Variants in HTR1F observed in about 807,000 individuals in gnomAD.
HTR1F encodes the protein 5-hydroxytryptamine (serotonin) receptor 1F, G protein-coupled.
HTR1F carries 17 observed loss-of-function variants against 24.0 expected under a neutral mutation model. That is an observed-to-expected ratio of 0.71 (90% CI 0.48 to 1.06). HTR1F has a LOEUF of 1.06. Ranked by LOEUF, HTR1F falls within the 50% of genes least tolerant of loss-of-function variation. HTR1F has a pLI of 0.00. For synonymous variants in HTR1F, 186 were observed against 156.8 expected, an observed-to-expected ratio of 1.19 and a Z score of -1.39; for missense variants, 391 against 427.8, an observed-to-expected ratio of 0.91 and a Z score of 0.76.
intron 2 of HTR1F, among the ~76,000 whole-genome samples, chr3:87,978,122 A>AGCT (rs1705438795): frequency 1.3e-5 from 2 of 152,196 alleles, no homozygotes; most frequent in African/African-American, 4.8e-5. Flanking sequence ...GCAAGCCTGC[A>AGCT]GCTGGATTAG....
chr3:87,937,928 GA>G (rs57450022), intron 2 of HTR1F, among the ~76,000 whole-genome samples: 2,999 of 114,306 alleles, frequency 0.026, 53 homozygotes, highest in African/African-American at 0.067. Context: ...CATCTCAAAA[GA>G]AAAAAAAAAA....
chr3:87,857,844 A>T (rs1236033509), intron 2 of HTR1F, among the ~76,000 whole-genome samples: 1 of 152,172 alleles, frequency 6.6e-6, no homozygotes, highest in African/African-American at 2.4e-5. Context: ...AAGGTAACAT[A>T]TTCACAGGCT....
chr3:87,948,578 C>T (rs1001732220), intron 2 of HTR1F, among the ~76,000 whole-genome samples: 2 of 151,784 alleles, frequency 1.3e-5, no homozygotes, highest in Non-Finnish European at 2.9e-5. Context: ...ACCTCCTGGG[C>T]GCAAGCAGTC....
intron 1 of HTR1F, among the ~76,000 whole-genome samples, chr3:87,802,377 G>T (rs1470514366): frequency 8.2e-6 from 1 of 121,358 alleles, no homozygotes; most frequent in East Asian, 2.8e-4. Flanking sequence ...GTCTTGTTTT[G>T]TCATCCAGGC....
intron 2 of HTR1F, among the ~76,000 whole-genome samples, chr3:87,939,795 A>C (rs1310997034): frequency 6.6e-6 from 1 of 152,078 alleles, no homozygotes; most frequent in East Asian, 1.9e-4. Flanking sequence ...CTATTTTGAC[A>C]ATCTTTTCAC....
chr3:87,938,129 A>C (rs1559640543), intron 2 of HTR1F, among the ~76,000 whole-genome samples: 1 of 152,102 alleles, frequency 6.6e-6, no homozygotes, highest in Admixed American at 6.6e-5. Flanking sequence ...AGTAACTAAC[A>C]TTCCTATACA....
At chr3:87,893,677 C>T (rs1263628897) in intron 2 of HTR1F, among the ~76,000 whole-genome samples, 1 of 152,226 alleles carries the variant, frequency 6.6e-6, no homozygotes, top group African/African-American at 2.4e-5. Flanking sequence ...TGGCTCTTGA[C>T]AGCATCTTTG....
intron 2 of HTR1F, among the ~76,000 whole-genome samples, chr3:87,958,792 C>T (rs1205984006): frequency 6.6e-6 from 1 of 151,376 alleles, no homozygotes; most frequent in Non-Finnish European, 1.5e-5. Context: ...CTGATTGTGC[C>T]TTATCTCCTT....
At position 87,940,805 on chromosome 3, in the gene HTR1F, G is replaced by A. The variant is rs774879284; in HGVS notation, c.-42-49903G>A. ...GGACCAATGGAACATGGGGATTTAC[G>A]ATTTTAGTTACTTTCCTCATGGTTG... On this transcript the variant is annotated intron_variant, in intron 2 of 2. Transcript: ENST00000319595. 1.9e-4 allele frequency among the ~76,000 whole-genome samples: 29 copies of A among 152,298 alleles called. No homozygotes were observed. The East Asian group carries it at 5.2e-3, about 27-fold the overall frequency.
intron 2 of HTR1F, among the ~76,000 whole-genome samples, chr3:87,835,639 G>A (rs181630865): frequency 5.8e-4 from 89 of 152,192 alleles, no homozygotes; most frequent in Non-Finnish European, 7.2e-4. Flanking sequence ...ACTTCCTTCT[G>A]GTATTAAATC....
chr3:87,862,371 C>G (rs926180105), intron 2 of HTR1F, among the ~76,000 whole-genome samples: 2 of 152,236 alleles, frequency 1.3e-5, no homozygotes, highest in African/African-American at 4.8e-5. Flanking sequence ...AATCCACCCT[C>G]TGGGATCAGT....
At chr3:87,976,114 G>A (rs1310221118) in intron 2 of HTR1F, among the ~76,000 whole-genome samples, 1 of 152,088 alleles carries the variant, frequency 6.6e-6, no homozygotes, top group Non-Finnish European at 1.5e-5. Context: ...AAGCTTAAGA[G>A]AATCAAAAGA....
At chr3:87,885,578 A>G (rs1282678716) in intron 2 of HTR1F, among the ~76,000 whole-genome samples, 3 of 150,306 alleles carry the variant, frequency 2.0e-5, no homozygotes, top group Non-Finnish European at 4.4e-5. Context: ...ACAATCAACA[A>G]AATTGATAGA....
chr3:87,806,829 G>A (rs1322110791), intron 1 of HTR1F, among the ~76,000 whole-genome samples: 1 of 151,932 alleles, frequency 6.6e-6, no homozygotes, highest in Admixed American at 6.6e-5. Flanking sequence ...TATGGTGAGA[G>A]GTATGAATTT....
At chr3:87,903,756 C>T (rs866173746) in intron 2 of HTR1F, among the ~76,000 whole-genome samples, 22 of 152,086 alleles carry the variant, frequency 1.4e-4, no homozygotes, top group African/African-American at 3.1e-4. Context: ...ACCATTTGAC[C>T]GAGCCATCCC....
chr3:87,817,905 G>A (rs1239111111), intron 1 of HTR1F, among the ~76,000 whole-genome samples: 1 of 152,098 alleles, frequency 6.6e-6, no homozygotes, highest in Non-Finnish European at 1.5e-5. Flanking sequence ...ATTCAGGAGA[G>A]TCAGTAGAAA....
At chr3:87,933,003 C>G (rs549023345) in intron 2 of HTR1F, among the ~76,000 whole-genome samples, 1 of 148,318 alleles carries the variant, frequency 6.7e-6, no homozygotes, top group East Asian at 2.0e-4. Flanking sequence ...AGCTTATCCA[C>G]CATGATCAAG....
intron 2 of HTR1F, among the ~76,000 whole-genome samples, chr3:87,832,962 T>TA (rs1303943685): frequency 2.0e-5 from 3 of 152,226 alleles, no homozygotes; most frequent in African/African-American, 4.8e-5. Context: ...TAACAGGACT[T>TA]ACGTGTCTGG....
chr3:87,876,318 A>C (rs763418244), intron 2 of HTR1F, among the ~76,000 whole-genome samples: 3 of 152,242 alleles, frequency 2.0e-5, no homozygotes, highest in Admixed American at 1.3e-4. Context: ...TGATCATTGC[A>C]GCATTATTCA....
Sources: allele counts gnomAD v4.1 joint callset (sites outside exome capture counted in the v4.1 genomes callset), GRCh38; gene constraint gnomAD v4.1.1; transcripts MANE v1.5; gene names NCBI Gene and HGNC (gene_info 2026-07-23, HGNC 2026-07-21).